NARS2: variants seen among roughly 807,000 people sequenced by gnomAD.
NARS2 encodes the protein asparaginyl-tRNA synthetase 2, mitochondrial.
A neutral mutation model predicts 62.9 loss-of-function variants in NARS2; 60 were observed. The ratio of observed to expected loss-of-function variants is 0.95; its 90% CI spans 0.77 to 1.18. The LOEUF (loss-of-function observed/expected upper bound fraction) is 1.18, where lower values mean the gene tolerates loss of function less well. NARS2 is among the 50% of genes most tolerant of loss of function. The pLI is 0.00. For missense variants in NARS2, 619 were observed against 576.4 expected (o/e 1.07, Z -0.76); for synonymous variants, 196 against 200.0 (o/e 0.98, Z 0.17).
intron 7 of NARS2, among the ~76,000 whole-genome samples, chr11:78,484,777 C>T (rs1565229329): frequency 6.6e-6 from 1 of 152,200 alleles, no homozygotes; most frequent in South Asian, 2.1e-4. Context: ...TGCTTTTACA[C>T]TGTTGGTGGG....
chr11:78,436,876 G>A (rs1233808144), intron 13 of NARS2, 62 bp from the exon 14 acceptor site: 2 of 1,497,616 alleles, frequency 1.3e-6, no homozygotes, highest in African/African-American at 2.8e-5. Context: ...GTTATGATTA[G>A]AATTTAATGT....
chr11:78,568,585 CTTAA>C (rs773717545), intron 3 of NARS2, 43 bp downstream of exon 3: 35 of 1,576,234 alleles, frequency 2.2e-5, no homozygotes, highest in Middle Eastern at 1.7e-4. Context: ...AGATTGCTGT[CTTAA>C]TTAAAGCCTA....
In NARS2 at chr11:78,574,790, G is replaced by A. The variant is rs372312973; in HGVS notation, c.-302C>T. Reference sequence around the variant, plus strand: ...CTACCCGCGACAATTGTAAACCTACGAACAGAACCCGGGCCGCAACACGCG... The same window carrying A: ...CTACCCGCGACAATTGTAAACCTACAAACAGAACCCGGGCCGCAACACGCG... On this transcript the variant is annotated 5_prime_UTR_variant, in exon 1 of 14. Coordinates refer to ENST00000281038, the MANE Select transcript of NARS2 (RefSeq NM_024678.6). 28 of 356,352 alleles carry A rather than the reference G, an allele frequency of 7.9e-5. No homozygotes were observed. Among genetic ancestry groups the A allele is most frequent in the African/African-American group, 5.3e-4 (25 of 47,090 alleles). The allele number at this position is 356,352 out of a possible 1,614,324, so 22.1% of individuals were successfully genotyped here.
intron 2 of NARS2, among the ~76,000 whole-genome samples, chr11:78,570,562 A>AT (rs1347364718): frequency 6.6e-6 from 1 of 152,164 alleles, no homozygotes; most frequent in Admixed American, 6.5e-5. Context: ...TCATTTTTAT[A>AT]TTTTTGGTAG....
chr11:78,486,017 G>C (rs375809776), intron 7 of NARS2, among the ~76,000 whole-genome samples: 4 of 152,210 alleles, frequency 2.6e-5, no homozygotes, highest in African/African-American at 9.6e-5. Flanking sequence ...TCGGATTACA[G>C]GCACATGTCA....
chr11:78,484,225 A>C (rs1363171665), intron 7 of NARS2, among the ~76,000 whole-genome samples: 1 of 152,188 alleles, frequency 6.6e-6, no homozygotes, highest in Non-Finnish European at 1.5e-5. Flanking sequence ...CTTACACCTT[A>C]TATAAAAACT....
At chr11:78,473,005 T>C (rs1281133330) in intron 9 of NARS2, among the ~76,000 whole-genome samples, 2 of 152,180 alleles carry the variant, frequency 1.3e-5, no homozygotes, top group Admixed American at 1.3e-4. Context: ...ATATCTGACT[T>C]AACAGTCTAA....
At chr11:78,454,731 G>A (rs1223249029) in intron 11 of NARS2, among the ~76,000 whole-genome samples, 2 of 151,138 alleles carry the variant, frequency 1.3e-5, no homozygotes, top group Admixed American at 6.6e-5. Context: ...CGATTCTCTT[G>A]CCTCAGCCTC....
At chr11:78,574,217 C>G in intron 1 of NARS2, 131 bp downstream of exon 1, 1 of 1,129,626 alleles carries the variant, frequency 8.9e-7, no homozygotes, top group Non-Finnish European at 1.3e-6. Flanking sequence ...TGCAAACCCG[C>G]GACGCCTACA....
intron 6 of NARS2, among the ~76,000 whole-genome samples, chr11:78,522,714 G>T (rs1861174990): frequency 6.6e-6 from 1 of 152,156 alleles, no homozygotes; most frequent in African/African-American, 2.4e-5. Flanking sequence ...AAAAAAGATG[G>T]CCACTCTTCC....
chr11:78,573,750 A>G (rs1300878240), intron 1 of NARS2, among the ~76,000 whole-genome samples: 1 of 152,236 alleles, frequency 6.6e-6, no homozygotes, highest in Non-Finnish European at 1.5e-5. Flanking sequence ...GACAATTATT[A>G]TCTCTTTCCA....
intron 6 of NARS2, among the ~76,000 whole-genome samples, chr11:78,520,621 C>A (rs1861079633): frequency 6.6e-6 from 1 of 152,302 alleles, no homozygotes; most frequent in East Asian, 1.9e-4. Context: ...ATAAAGCCCA[C>A]TGAATCCTTC....
chr11:78,485,996 T>C (rs1241909560), intron 7 of NARS2, among the ~76,000 whole-genome samples: 2 of 152,092 alleles, frequency 1.3e-5, no homozygotes, highest in African/African-American at 4.8e-5. Context: ...TGCCTCAGCC[T>C]CCCAAGTAGC....
intron 6 of NARS2, among the ~76,000 whole-genome samples, chr11:78,504,434 G>GTTTT (rs758781275): frequency 1.6e-5 from 1 of 61,398 alleles, no homozygotes. Context: ...CAAAACACCA[G>GTTTT]TTTTTTTTTT....
chr11:78,549,444 G>C (rs1156682856), intron 5 of NARS2, among the ~76,000 whole-genome samples: 4 of 152,182 alleles, frequency 2.6e-5, no homozygotes, highest in Non-Finnish European at 5.9e-5. Flanking sequence ...GTATGTAAAA[G>C]TCCAAACTGA....
At chr11:78,560,245 G>T (rs187786957) in intron 4 of NARS2, among the ~76,000 whole-genome samples, 7 of 152,296 alleles carry the variant, frequency 4.6e-5, no homozygotes, top group Admixed American at 2.0e-4. Flanking sequence ...ACTCCACATG[G>T]CACAGGCAGT....
chr11:78,465,922 A>C lies in NARS2; in HGVS notation c.1118T>G (p.Leu373Arg), dbSNP rs1314692209. The C allele has an allele frequency of 6.2e-7, 1 of 1,614,122 alleles. No homozygotes were observed. The highest frequency in any genetic ancestry group is 8.5e-7 in the Non-Finnish European group (1 of 1,179,984). Residue 373 changes from leucine (L) to arginine (R), a missense_variant, in exon 11 of 14, where the codon CTC becomes CGC. Transcript: ENST00000281038. ...ATTATCCCTCATGTAGAAAGGCTTG[A>C]GTGTTAATGGATAATTAATAACGAA... is the stretch of plus-strand genomic sequence containing the variant. ...PVFVINYPLT[L>R]KPFYMRDNED...
chr11:78,568,976 ATAAT>A (rs1856830447), intron 2 of NARS2, among the ~76,000 whole-genome samples: 1 of 152,234 alleles, frequency 6.6e-6, no homozygotes, highest in Non-Finnish European at 1.5e-5. Context: ...AAGAATTTGT[ATAAT>A]TAATTCAGAA....
At position 78,465,992 on chromosome 11, in the gene NARS2, C is replaced by A; in HGVS notation, c.1048G>T (p.Glu350Ter). ...TGCTTCACCAGGTACTTTTCATGTT[C>A]AGTCCGTAGGTCAGCACCCCACTGT... is the stretch of plus-strand genomic sequence containing the variant. ...TPEWGADLRT[E>*]HEKYLVKHCG... Residue 350 changes from glutamate (E) to a stop codon, truncating the protein, a stop_gained, in exon 11 of 14, where the codon GAA becomes TAA. Coordinates refer to ENST00000281038, the MANE Select transcript of NARS2 (RefSeq NM_024678.6). LOFTEE classifies it high-confidence loss of function. The A allele has an allele frequency of 6.2e-7, 1 of 1,611,664 alleles. No homozygotes were observed. Among genetic ancestry groups the A allele is most frequent in the Non-Finnish European group, 8.5e-7 (1 of 1,178,754 alleles).
Sources: gnomAD v4.1 joint callset for allele counts (sites outside exome capture counted in the v4.1 genomes callset) on GRCh38, gnomAD v4.1.1 for gene constraint, MANE v1.5 for transcripts, NCBI Gene and HGNC (gene_info 2026-07-23, HGNC 2026-07-21) for gene names.